The following USP7 variants were observed in gnomAD, a reference collection of about 807,000 sequenced individuals.
USP7 encodes the protein ubiquitin C-terminal hydrolase 7.
Under a neutral mutation model 162.9 loss-of-function variants are expected in USP7, and 9 were observed. That is an observed-to-expected ratio of 0.06 (90% confidence interval 0.03 to 0.10). The LOEUF is 0.10. Ranked by LOEUF, USP7 falls within the 10% of genes least tolerant of loss-of-function variation. USP7 has a pLI of 1.00. For synonymous variants in USP7, 562 were observed against 475.9 expected (o/e 1.18, Z -2.35); for missense variants, 715 against 1,373.7 (o/e 0.52, Z 7.58).
chr16:8,925,677 G>T (rs545533265), intron 2 of USP7, among the ~76,000 whole-genome samples: 116 of 152,244 alleles, frequency 7.6e-4, no homozygotes, highest in Admixed American at 2.6e-3. Flanking sequence ...GTGTGGCACT[G>T]CCCTGACACA....
At chr16:8,933,566 A>C (rs1898500577) in intron 1 of USP7, among the ~76,000 whole-genome samples, 2 of 152,188 alleles carry the variant, frequency 1.3e-5, no homozygotes, top group South Asian at 2.1e-4. Context: ...ACATAGAAGC[A>C]ATGTAGTTTC....
rs771384506 is a variant in USP7, at chr16:8,900,650, A to T, written c.2209-20T>A. 7 of 1,561,718 alleles carry T rather than the reference A, an allele frequency of 4.5e-6. No homozygotes were observed. The South Asian group carries it at 8.0e-5, about 18-fold the overall frequency. On this transcript the variant is annotated intron_variant, in intron 20 of 30. Transcript: ENST00000344836. ...AACTTCCTACAGTGAAAGATATAAA[A>T]TTGTTACACTGCAAGTTTGTCTAAC...
chr16:8,904,406 C>T (rs1480457485), intron 15 of USP7, 29 bp downstream of exon 15: 1 of 1,611,032 alleles, frequency 6.2e-7, no homozygotes, highest in East Asian at 2.2e-5. Context: ...TGCATGGTGA[C>T]CCGGAGTCCC....
chr16:8,929,312 G>A (rs183277803), intron 2 of USP7: 30 of 355,180 alleles, frequency 8.4e-5, no homozygotes, highest in East Asian at 2.3e-4. Flanking sequence ...CCTCGTCTAC[G>A]GTGGAAAGCG....
At chr16:8,899,246 C>A in intron 22 of USP7, 58 bp from the exon 23 acceptor site, 1 of 1,558,932 alleles carries the variant, frequency 6.4e-7, no homozygotes, top group African/African-American at 1.4e-5. Context: ...TGGTCATAAA[C>A]TTCATGCTTA....
intron 18 of USP7, 96 bp from the exon 19 acceptor site, chr16:8,901,330 A>AAC (rs1380352833): frequency 1.8e-5 from 13 of 735,032 alleles, no homozygotes; most frequent in Non-Finnish European, 2.9e-5. Flanking sequence ...GAAAAAAAAA[A>AAC]AACAGTAAGC....
chr16:8,945,225 CA>C (rs1318699934), intron 1 of USP7, among the ~76,000 whole-genome samples: 18 of 147,284 alleles, frequency 1.2e-4, no homozygotes, highest in South Asian at 2.1e-4. Flanking sequence ...ATTCCATCTT[CA>C]AAAAAAAAAT....
chr16:8,915,394 TCA>T (rs774067370), intron 9 of USP7, 49 bp downstream of exon 9: 10 of 1,612,946 alleles, frequency 6.2e-6, no homozygotes, highest in African/African-American at 5.3e-5. Context: ...GTCAAAAAAT[TCA>T]CATTCTAAAA....
chr16:8,903,493 A>G, intron 15 of USP7, 91 bp from the exon 16 acceptor site: 1 of 1,400,664 alleles, frequency 7.1e-7, no homozygotes, highest in Non-Finnish European at 9.4e-7. Context: ...AACGCTGAAA[A>G]CTCATTTTTT....
chr16:8,915,014 C>G (rs997132881), intron 10 of USP7, among the ~76,000 whole-genome samples: 1 of 152,186 alleles, frequency 6.6e-6, no homozygotes, highest in Non-Finnish European at 1.5e-5. Flanking sequence ...TAGAAGTCCA[C>G]GTGGTGGTTT....
chr16:8,910,703 A>G (rs2061932759), intron 11 of USP7, 42 bp downstream of exon 11: 6 of 1,547,984 alleles, frequency 3.9e-6, no homozygotes, highest in Non-Finnish European at 4.4e-6. Context: ...AAAATAAAGA[A>G]GAACGCTACA....
intron 2 of USP7, among the ~76,000 whole-genome samples, chr16:8,924,122 G>A (rs1379913708): frequency 6.6e-6 from 1 of 152,154 alleles, no homozygotes; most frequent in African/African-American, 2.4e-5. Context: ...GTGCCTCTTA[G>A]CAGAGGTCCA....
Position 8,898,470 on chromosome 16 carries a change from C to G in USP7, c.2641-33G>C, listed in dbSNP as rs763868487. The G allele has an allele frequency of 2.5e-6, 4 of 1,606,620 alleles. No individual in the cohort carries two copies. The African/African-American group carries it at 5.4e-5, about 22-fold the overall frequency. On this transcript the variant is annotated intron_variant, in intron 24 of 30. Coordinates refer to ENST00000344836, the MANE Select transcript of USP7 (RefSeq NM_003470.3). ...GAAAAGAAAGATTCACATCAGATAC[C>G]GTCACCAAAACCCCGAGCCTTCTCT...
intron 21 of USP7, 51 bp downstream of exon 21, chr16:8,900,479 A>C (rs1240224103): frequency 7.1e-7 from 1 of 1,418,072 alleles, no homozygotes; most frequent in African/African-American, 1.5e-5. Flanking sequence ...TACAACTTAA[A>C]AAAATCCTGA....
intron 13 of USP7, 25 bp from the exon 14 acceptor site, chr16:8,905,356 G>A: frequency 6.2e-7 from 1 of 1,610,262 alleles, no homozygotes; most frequent in Non-Finnish European, 8.5e-7. Flanking sequence ...ACACACACCA[G>A]CAGCGATCAA....
chr16:8,945,552 C>A (rs1207879863), intron 1 of USP7, among the ~76,000 whole-genome samples: 1 of 152,086 alleles, frequency 6.6e-6, no homozygotes, highest in Non-Finnish European at 1.5e-5. Context: ...TGAATGCTAG[C>A]CATTCATAAG....
intron 5 of USP7, 137 bp downstream of exon 5, chr16:8,920,222 C>T: frequency 1.4e-6 from 1 of 708,388 alleles, no homozygotes; most frequent in Non-Finnish European, 2.4e-6. Context: ...GCAGGTGTGA[C>T]TCTGTGTGCC....
At chr16:8,941,339 G>C (rs986606269) in intron 1 of USP7, among the ~76,000 whole-genome samples, 2 of 152,154 alleles carry the variant, frequency 1.3e-5, no homozygotes, top group Non-Finnish European at 2.9e-5. Flanking sequence ...TCCCCTAAAG[G>C]GTGGACATAC....
intron 28 of USP7, 84 bp from the exon 29 acceptor site, chr16:8,894,939 C>G: frequency 6.2e-7 from 1 of 1,613,582 alleles, no homozygotes; most frequent in Non-Finnish European, 8.5e-7. Flanking sequence ...AAACCAACGC[C>G]TAACCCCAGC....
Sources: gnomAD v4.1 joint callset for allele counts (sites outside exome capture counted in the v4.1 genomes callset) on GRCh38, gnomAD v4.1.1 for gene constraint, MANE v1.5 for transcripts, NCBI Gene and HGNC (gene_info 2026-07-23, HGNC 2026-07-21) for gene names.